KIRREL1: variants seen among roughly 807,000 people sequenced by gnomAD.
KIRREL1 encodes the protein kirre like nephrin family adhesion molecule 1, also known as kin of IRRE-like protein 1.
KIRREL1 carries 25 observed loss-of-function variants against 83.3 expected under a neutral mutation model. That is an observed-to-expected ratio of 0.30 (90% CI 0.22 to 0.42). KIRREL1 has a LOEUF of 0.42. KIRREL1 is among the 10% of genes least tolerant of loss of function. The pLI, the probability that KIRREL1 is intolerant of heterozygous loss-of-function variation, is 1.00. For synonymous variants in KIRREL1, 388 were observed against 410.4 expected (o/e 0.95, Z 0.66); for missense variants, 812 against 1,032.3 (o/e 0.79, Z 2.92).
intron 1 of KIRREL1, among the ~76,000 whole-genome samples, chr1:157,994,496 G>T (rs1351026830): frequency 6.6e-6 from 1 of 152,044 alleles, no homozygotes; most frequent in East Asian, 1.9e-4. Context: ...CACTGGCAGG[G>T]GAGAGGCTGG....
At chr1:158,026,087 T>G (rs1433518688) in intron 1 of KIRREL1, among the ~76,000 whole-genome samples, 3 of 152,128 alleles carry the variant, frequency 2.0e-5, no homozygotes, top group Non-Finnish European at 4.4e-5. Flanking sequence ...TGGCACTGCC[T>G]TCCTCTTGAC....
At chr1:158,085,523 GT>G (rs910316288) in intron 4 of KIRREL1, among the ~76,000 whole-genome samples, 3 of 152,162 alleles carry the variant, frequency 2.0e-5, no homozygotes, top group Non-Finnish European at 4.4e-5. Flanking sequence ...AGGGCTACAT[GT>G]TTTTAGATAT....
In KIRREL1 at chr1:158,093,281, G is replaced by A. The variant is rs376161644; in HGVS notation, c.1472-58G>A. The A allele has an allele frequency of 4.8e-4, 695 of 1,440,874 alleles. 7 individuals are homozygous for A. The South Asian group carries it at 7.5e-3, about 16-fold the overall frequency. 89.3% of individuals were successfully genotyped at this position (1,440,874 alleles called of 1,614,324 possible). On this transcript the variant is annotated intron_variant, in intron 11 of 14. Transcript: ENST00000359209. ...TGGCCTAGCCTTTAGCCAGCACTGA[G>A]CTTAGCTCCCAGTATAACTCCAGCC...
At position 158,095,099 on chromosome 1, in the gene KIRREL1, G is replaced by A. The variant is rs1207232204; in HGVS notation, c.2253G>A (p.Gln751=). 1.2e-6 allele frequency: 2 copies of A among 1,603,416 alleles called. No individual in the cohort carries two copies. Among genetic ancestry groups the A allele is most frequent in the Non-Finnish European group, 1.7e-6 (2 of 1,172,882 alleles). The change falls in exon 15 of 15, where the codon CAG becomes CAA. Residue 751 remains glutamine, a synonymous_variant. Coordinates refer to ENST00000359209, the MANE Select transcript of KIRREL1 (RefSeq NM_018240.7). The part of the protein sequence containing the change: ...QHSDYGQRFQ[Q]RMQTHV ...CGGACTACGGCCAGCGATTCCAGCAGCGCATGCAGACTCACGTGTAGGGGC... is the reference window on the plus strand; with the variant it reads ...CGGACTACGGCCAGCGATTCCAGCAACGCATGCAGACTCACGTGTAGGGGC...
chr1:158,047,442 T>C (rs1410828246), intron 1 of KIRREL1, among the ~76,000 whole-genome samples: 1 of 152,192 alleles, frequency 6.6e-6, no homozygotes, highest in Non-Finnish European at 1.5e-5. Context: ...GCTGAGGATA[T>C]TCCACCTTCT....
At chr1:158,025,429 G>C (rs1309019161) in intron 1 of KIRREL1, 2 of 152,342 alleles carry the variant, frequency 1.3e-5, no homozygotes, top group African/African-American at 2.4e-5. Flanking sequence ...TGAAGACTCT[G>C]AGGAGGGACA....
At position 158,089,579 on chromosome 1, in the gene KIRREL1, C is replaced by A. The variant is rs867471177; in HGVS notation, c.1122C>A (p.Ile374=). 6.2e-7 allele frequency: 1 copy of A among 1,613,866 alleles called. No individual in the cohort carries two copies. The highest frequency in any genetic ancestry group is 1.3e-5 in the African/African-American group (1 of 74,920). Residue 374 remains isoleucine (I), a synonymous_variant, in exon 9 of 15, where the codon ATC becomes ATA. Coordinates refer to ENST00000359209, the MANE Select transcript of KIRREL1 (RefSeq NM_018240.7). The part of the protein sequence containing the change: ...ADAGTYTCRA[I]VPRIGVAERE... ...CTGGCACCTACACCTGCCGGGCCAT[C>A]GTGCCTCGAATCGGAGTGGCTGAGC...
chr1:157,994,429 AG>A (rs1251579527), intron 1 of KIRREL1, among the ~76,000 whole-genome samples: 2 of 85,756 alleles, frequency 2.3e-5, no homozygotes, highest in Non-Finnish European at 5.2e-5. Flanking sequence ...CGGTGGGGGG[AG>A]GGGGCTGACA....
chr1:157,993,889 AG>A (rs1299819184), intron 1 of KIRREL1, among the ~76,000 whole-genome samples, 161 bp downstream of exon 1: 1 of 151,700 alleles, frequency 6.6e-6, no homozygotes, highest in Admixed American at 6.6e-5. Context: ...GCCCTGGGGG[AG>A]GGGGCGCGGA....
At chr1:158,061,660 C>T (rs1661218765) in intron 1 of KIRREL1, among the ~76,000 whole-genome samples, 1 of 152,144 alleles carries the variant, frequency 6.6e-6, no homozygotes, top group African/African-American at 2.4e-5. Flanking sequence ...GATGTACTGA[C>T]ACAGGACAGA....
At chr1:158,034,992 G>GT (rs1660435978) in intron 1 of KIRREL1, among the ~76,000 whole-genome samples, 1 of 151,276 alleles carries the variant, frequency 6.6e-6, no homozygotes, top group African/African-American at 2.5e-5. Flanking sequence ...AACTGGTTGT[G>GT]TGTGTGTTCA....
intron 1 of KIRREL1, among the ~76,000 whole-genome samples, chr1:158,041,660 C>T (rs1660630834): frequency 6.6e-6 from 1 of 152,192 alleles, no homozygotes; most frequent in African/African-American, 2.4e-5. Flanking sequence ...TGGGCTTTCC[C>T]ACCTCTCTCT....
intron 1 of KIRREL1, among the ~76,000 whole-genome samples, chr1:158,018,164 G>A (rs997230624): frequency 1.3e-5 from 2 of 152,222 alleles, no homozygotes; most frequent in East Asian, 1.9e-4. Context: ...GGAAGAATTG[G>A]GGGGGTGGGA....
intron 1 of KIRREL1, among the ~76,000 whole-genome samples, chr1:158,047,099 AT>A (rs1212200243): frequency 6.6e-6 from 1 of 152,206 alleles, no homozygotes; most frequent in Non-Finnish European, 1.5e-5. Flanking sequence ...AATTAGATTC[AT>A]TTTATGTGAC....
intron 1 of KIRREL1, chr1:158,025,782 C>G (rs568602078): frequency 2.3e-4 from 35 of 151,444 alleles, no homozygotes; most frequent in East Asian, 7.9e-4. Flanking sequence ...AGAAGAGGCA[C>G]GCATGGCTGG....
Position 158,074,590 on chromosome 1 carries a change from C to T in KIRREL1, c.53-1523C>T, listed in dbSNP as rs963839373. Among the ~76,000 whole-genome samples, 4 of 152,176 alleles carry T rather than the reference C, an allele frequency of 2.6e-5. No individual in the cohort carries two copies. In the East Asian group the frequency reaches 5.8e-4, roughly 22 times the overall value. On this transcript the variant is annotated intron_variant, in intron 1 of 14. Coordinates refer to ENST00000359209, the MANE Select transcript of KIRREL1 (RefSeq NM_018240.7). ...CCCCTGATCATTTGAGAGAGGAAACCCCGTACATAGTGATAACAGCAGGGC... is the reference window on the plus strand; with the variant it reads ...CCCCTGATCATTTGAGAGAGGAAACTCCGTACATAGTGATAACAGCAGGGC...
At chr1:158,021,139 T>C (rs561964514) in intron 1 of KIRREL1, among the ~76,000 whole-genome samples, 178 of 152,114 alleles carry the variant, frequency 1.2e-3, no homozygotes, top group Non-Finnish European at 2.1e-3. Context: ...ACCTCAAAAA[T>C]TCACAGTAAA....
chr1:158,085,485 C>T (rs977371937), intron 4 of KIRREL1, among the ~76,000 whole-genome samples: 5 of 152,206 alleles, frequency 3.3e-5, no homozygotes, highest in South Asian at 4.1e-4. Flanking sequence ...AACCTTTTCA[C>T]AACCAAAAAC....
chr1:158,045,517 A>T (rs925037435), intron 1 of KIRREL1, among the ~76,000 whole-genome samples: 6 of 152,224 alleles, frequency 3.9e-5, no homozygotes, highest in Admixed American at 1.3e-4. Context: ...ATAAATCTGG[A>T]TGAACCAAAT....
Sources: gnomAD v4.1 joint callset for allele counts (sites outside exome capture counted in the v4.1 genomes callset) on GRCh38, gnomAD v4.1.1 for gene constraint, MANE v1.5 for transcripts, NCBI Gene and HGNC (gene_info 2026-07-23, HGNC 2026-07-21) for gene names.